Variants in LINGO2 observed in about 807,000 individuals in gnomAD.
The protein encoded by LINGO2 is leucine rich repeat and Ig domain containing 2, also known as leucine-rich repeat and immunoglobulin-like domain-containing nogo receptor-interacting protein 2.
Under a neutral mutation model 30.6 loss-of-function variants are expected in LINGO2, and 14 were observed. The observed-to-expected ratio is 0.46, with a 90% CI of 0.30 to 0.72. The LOEUF is 0.72. LINGO2 is among the 30% of genes least tolerant of loss of function. The pLI, the probability that LINGO2 is intolerant of heterozygous loss-of-function variation, is 0.07. For missense variants in LINGO2, 729 were observed against 751.7 expected (o/e 0.97, Z 0.35); for synonymous variants, 317 against 288.5 (o/e 1.10, Z -1.00).
At chr9:28,863,093 A>G in the LINGO2 span, among the ~76,000 whole-genome samples, 1 of 152,136 alleles carries the variant, frequency 6.6e-6, no homozygotes, top group South Asian at 2.1e-4. Context: ...ATCAAAATGT[A>G]CAATTTGGTA....
chr9:28,916,034 T>C, the LINGO2 span, among the ~76,000 whole-genome samples: 13 of 152,248 alleles, frequency 8.5e-5, no homozygotes, highest in South Asian at 2.7e-3. Context: ...AAAGTCAATC[T>C]GAAACACCAG....
chr9:28,364,262 ACATTCTTTTTTG>A (rs1246883131), intron 3 of LINGO2, among the ~76,000 whole-genome samples: 4 of 152,136 alleles, frequency 2.6e-5, no homozygotes, highest in African/African-American at 9.7e-5. Flanking sequence ...AAATAATTCA[ACATTCTTTTTTG>A]CAAGAGTCTC....
At chr9:28,881,927 T>TAA in the LINGO2 span, among the ~76,000 whole-genome samples, 1 of 152,362 alleles carries the variant, frequency 6.6e-6, no homozygotes, top group African/African-American at 2.4e-5. Flanking sequence ...CTTTTTCTTA[T>TAA]GTTAACTATT....
At chr9:28,832,804 G>T in the LINGO2 span, among the ~76,000 whole-genome samples, 2 of 151,994 alleles carry the variant, frequency 1.3e-5, no homozygotes, top group Non-Finnish European at 1.5e-5. Flanking sequence ...TAGTCAAAAG[G>T]CACTTCCTGA....
chr9:29,081,121 C>CA, the LINGO2 span, among the ~76,000 whole-genome samples: 1 of 151,592 alleles, frequency 6.6e-6, no homozygotes, highest in Non-Finnish European at 1.5e-5. Context: ...GAGACACACA[C>CA]AAAAAAGAGA....
the LINGO2 span, among the ~76,000 whole-genome samples, chr9:29,158,625 G>T: frequency 2.6e-5 from 4 of 152,130 alleles, no homozygotes; most frequent in Non-Finnish European, 5.9e-5. Context: ...AGGGAGAAAA[G>T]AACCCGGCAG....
At chr9:27,964,999 C>T (rs1820027854) in intron 5 of LINGO2, among the ~76,000 whole-genome samples, 1 of 152,100 alleles carries the variant, frequency 6.6e-6, no homozygotes, top group Non-Finnish European at 1.5e-5. Context: ...AATACAGCAG[C>T]AACTTTCTTT....
the LINGO2 span, among the ~76,000 whole-genome samples, chr9:29,154,879 T>C: frequency 6.6e-6 from 1 of 152,162 alleles, no homozygotes; most frequent in East Asian, 1.9e-4. Flanking sequence ...TCTCCTCTAG[T>C]ACAAAAATCC....
the LINGO2 span, among the ~76,000 whole-genome samples, chr9:28,947,386 A>G: frequency 1.3e-5 from 2 of 152,056 alleles, no homozygotes; most frequent in African/African-American, 4.8e-5. Flanking sequence ...AGTTTCATCA[A>G]TTTGGATGAG....
intron 4 of LINGO2, among the ~76,000 whole-genome samples, chr9:28,213,854 G>A (rs1259944090): frequency 1.3e-5 from 2 of 151,224 alleles, no homozygotes; most frequent in African/African-American, 4.8e-5. Flanking sequence ...TTTGCTCGAT[G>A]GAAAAAATGG....
At chr9:28,806,683 C>A in the LINGO2 span, among the ~76,000 whole-genome samples, 1 of 151,976 alleles carries the variant, frequency 6.6e-6, no homozygotes. Context: ...CAAGTTTCAT[C>A]GAAGCCATAG....
the LINGO2 span, among the ~76,000 whole-genome samples, chr9:28,787,552 G>C: frequency 2.0e-3 from 307 of 152,096 alleles, 5 homozygotes; most frequent in Non-Finnish European, 5.3e-4. Flanking sequence ...AAAAAATCTA[G>C]AACAATAAAT....
At chr9:28,678,852 T>C in the LINGO2 span, among the ~76,000 whole-genome samples, 123 of 152,284 alleles carry the variant, frequency 8.1e-4, no homozygotes, top group African/African-American at 2.6e-3. Context: ...GCCTCAACAG[T>C]ACTTTACTTA....
chr9:28,627,137 G>C (rs1396322497), intron 1 of LINGO2, among the ~76,000 whole-genome samples: 1 of 151,858 alleles, frequency 6.6e-6, no homozygotes, highest in Non-Finnish European at 1.5e-5. Flanking sequence ...GCTGACGTAG[G>C]TGTAGCCCTT....
At chr9:28,292,676 C>T (rs1021324035) in intron 4 of LINGO2, among the ~76,000 whole-genome samples, 1 of 151,862 alleles carries the variant, frequency 6.6e-6, no homozygotes, top group Non-Finnish European at 1.5e-5. Context: ...GTTGGTCAGG[C>T]TTGTCTCGAA....
At chr9:28,616,347 G>T (rs16913426) in intron 1 of LINGO2, among the ~76,000 whole-genome samples, 6,597 of 152,118 alleles carry the variant, frequency 0.043, 353 homozygotes, top group African/African-American at 0.12. Flanking sequence ...AATATTTTCT[G>T]AATAGATTCC....
the LINGO2 span, among the ~76,000 whole-genome samples, chr9:28,956,050 T>TA: frequency 5.7e-3 from 868 of 151,570 alleles, 6 homozygotes; most frequent in African/African-American, 0.019. Context: ...GGAAACAGGT[T>TA]AAAAAAAAAT....
the LINGO2 span, among the ~76,000 whole-genome samples, chr9:28,958,880 G>A: frequency 6.6e-6 from 1 of 152,096 alleles, no homozygotes; most frequent in Non-Finnish European, 1.5e-5. Context: ...CAGAGACTCA[G>A]CTCTTAATAA....
the LINGO2 span, among the ~76,000 whole-genome samples, chr9:28,860,977 TA>T: frequency 1.6e-5 from 2 of 128,022 alleles, no homozygotes; most frequent in South Asian, 2.2e-4. Flanking sequence ...CATTAATATA[TA>T]AATCTATAAT....
Sources: allele counts gnomAD v4.1 joint callset (sites outside exome capture counted in the v4.1 genomes callset), GRCh38; gene constraint gnomAD v4.1.1; transcripts MANE v1.5; gene names NCBI Gene and HGNC (gene_info 2026-07-23, HGNC 2026-07-21).